Variants in TLL2 observed in about 807,000 individuals in gnomAD.
TLL2 encodes the protein tolloid like 2.
In TLL2, 106 loss-of-function variants were observed where a neutral mutation model predicts 123.0. That is an observed-to-expected ratio of 0.86 (90% confidence interval 0.74 to 1.01). The LOEUF is 1.01. Ranked by LOEUF, TLL2 falls within the 50% of genes least tolerant of loss-of-function variation. The pLI is 0.00. For missense variants in TLL2, 1,332 were observed against 1,336.7 expected, an observed-to-expected ratio of 1.00 and a Z score of 0.06; for synonymous variants, 494 against 516.8, an observed-to-expected ratio of 0.96 and a Z score of 0.60.
At chr10:96,510,963 T>A (rs1589440474) in intron 1 of TLL2, among the ~76,000 whole-genome samples, 1 of 152,204 alleles carries the variant, frequency 6.6e-6, no homozygotes, top group East Asian at 1.9e-4. Flanking sequence ...GGTAAGGAAC[T>A]GAGGCCCAGA....
intron 1 of TLL2, among the ~76,000 whole-genome samples, chr10:96,509,670 G>A (rs1589440141): frequency 1.3e-5 from 2 of 152,236 alleles, no homozygotes; most frequent in East Asian, 1.9e-4. Context: ...GGCCTTGGCC[G>A]GGCACGGTGG....
At chr10:96,510,401 C>T (rs1171435120) in intron 1 of TLL2, among the ~76,000 whole-genome samples, 2 of 152,178 alleles carry the variant, frequency 1.3e-5, no homozygotes, top group Admixed American at 1.3e-4. Context: ...TCCACTCCCC[C>T]GTCACTTGAT....
At chr10:96,503,591 T>TGGCCA (rs1275028652) in intron 1 of TLL2, among the ~76,000 whole-genome samples, 24 of 152,174 alleles carry the variant, frequency 1.6e-4, no homozygotes, top group African/African-American at 5.8e-4. Flanking sequence ...GCCATCGAAG[T>TGGCCA]CTTCTCCCTG....
At chr10:96,427,761 T>C (rs1176854050) in intron 5 of TLL2, among the ~76,000 whole-genome samples, 2 of 152,166 alleles carry the variant, frequency 1.3e-5, no homozygotes, top group Non-Finnish European at 2.9e-5. Context: ...ATAGACCATG[T>C]AGTTGGGTTT....
In TLL2 at chr10:96,386,898, C is replaced by T. The variant is rs1023564824; in HGVS notation, c.1852+55G>A. 12 of 1,598,790 alleles carry T rather than the reference C, an allele frequency of 7.5e-6. No homozygotes were observed. In the Admixed American group the frequency reaches 1.2e-4, roughly 16 times the overall value. On this transcript the variant is annotated intron_variant, in intron 14 of 20. Transcript: ENST00000357947. Reference sequence around the variant, plus strand: ...GTTGCCCCATCTCTGCCCCACTTCCCCAAAGACTTGTCCCATATACCCTCT... The same window carrying T: ...GTTGCCCCATCTCTGCCCCACTTCCTCAAAGACTTGTCCCATATACCCTCT...
chr10:96,425,259 T>TTC (rs5787184), intron 5 of TLL2, among the ~76,000 whole-genome samples: 3,071 of 144,250 alleles, frequency 0.021, 45 homozygotes, highest in Admixed American at 0.044. Context: ...CATTACTGTT[T>TTC]TCTCTCTCTC....
intron 2 of TLL2, among the ~76,000 whole-genome samples, chr10:96,449,993 T>G (rs1193317046): frequency 6.6e-6 from 1 of 152,184 alleles, no homozygotes; most frequent in Non-Finnish European, 1.5e-5. Context: ...ATCCATTTAC[T>G]CAGCTGAATC....
At chr10:96,506,720 C>A (rs999530274) in intron 1 of TLL2, among the ~76,000 whole-genome samples, 1 of 151,934 alleles carries the variant, frequency 6.6e-6, no homozygotes, top group Non-Finnish European at 1.5e-5. Context: ...CCTCTCCTCT[C>A]GCTGTGTGGG....
chr10:96,379,668 A>G (rs1846168858), intron 16 of TLL2, among the ~76,000 whole-genome samples: 1 of 152,098 alleles, frequency 6.6e-6, no homozygotes, highest in South Asian at 2.1e-4. Context: ...CTAAAAATAC[A>G]AAAATTAGCC....
intron 1 of TLL2, among the ~76,000 whole-genome samples, chr10:96,511,659 G>T (rs1374337793): frequency 6.6e-6 from 1 of 152,240 alleles, no homozygotes; most frequent in African/African-American, 2.4e-5. Flanking sequence ...ATCCTCCAAG[G>T]CTGAGACGGG....
chr10:96,418,711 ATG>A (rs1315936846), intron 7 of TLL2, among the ~76,000 whole-genome samples: 1 of 148,224 alleles, frequency 6.7e-6, no homozygotes, highest in Non-Finnish European at 1.5e-5. Flanking sequence ...ATGAATATAT[ATG>A]TATATATAAA....
chr10:96,384,753 G>C lies in TLL2; in HGVS notation c.2028C>G (p.Asp676Glu), dbSNP rs1286440939. 1.9e-6 allele frequency: 3 copies of C among 1,593,298 alleles called. No homozygotes were observed. Among genetic ancestry groups the C allele is most frequent in the Middle Eastern group, 1.7e-4 (1 of 5,996 alleles). Residue 676 changes from aspartate (D) to glutamate (E), a missense_variant, in exon 16 of 21, where the codon GAC (aspartate) becomes GAG (glutamate). Coordinates refer to ENST00000357947, the MANE Select transcript of TLL2 (RefSeq NM_012465.4). Reference sequence around the variant, plus strand: ...ACAGGCCGCTGCGCACCTCTACAAAGTCGTACTTACAGACCTGCAAGGGAG... The same window carrying C: ...ACAGGCCGCTGCGCACCTCTACAAACTCGTACTTACAGACCTGCAAGGGAG... ...ELEGNDVCKY[D>E]FVEVRSGLSP...
At chr10:96,381,675 C>T (rs375200708) in intron 16 of TLL2, among the ~76,000 whole-genome samples, 1 of 152,174 alleles carries the variant, frequency 6.6e-6, no homozygotes, top group Non-Finnish European at 1.5e-5. Context: ...CCAGCCCACC[C>T]CACAGTGCTC....
chr10:96,419,454 G>A (rs1164006608), intron 7 of TLL2, among the ~76,000 whole-genome samples: 2 of 151,490 alleles, frequency 1.3e-5, no homozygotes, highest in Non-Finnish European at 2.9e-5. Flanking sequence ...ACTAGAACCC[G>A]GCTTCTGCCT....
chr10:96,458,561 T>TCC (rs1847039757), intron 2 of TLL2, among the ~76,000 whole-genome samples: 1 of 119,712 alleles, frequency 8.4e-6, no homozygotes, highest in Non-Finnish European at 1.6e-5. Context: ...CACTCCAGCC[T>TCC]GGGGGACAAG....
Position 96,422,581 on chromosome 10 carries a change from T to C in TLL2, c.785A>G (p.His262Arg). 8 of 1,614,216 alleles carry C rather than the reference T, an allele frequency of 5.0e-6. No homozygotes were observed. Among genetic ancestry groups the C allele is most frequent in the Non-Finnish European group, 6.8e-6 (8 of 1,180,040 alleles). ...GATGTTTTCCCTGATGATGGTGACA[T>C]GTTGGTCTCTGTCTGGCCGGGTGTG... ...HEHTRPDRDQHVTIIRENIQP... is the reference protein window; with the variant it reads ...HEHTRPDRDQRVTIIRENIQP... Residue 262 changes from histidine to arginine, a missense_variant, in exon 6 of 21, where the codon CAT becomes CGT. Coordinates refer to ENST00000357947, the MANE Select transcript of TLL2 (RefSeq NM_012465.4).
intron 2 of TLL2, among the ~76,000 whole-genome samples, chr10:96,471,739 G>A (rs1303124599): frequency 6.6e-6 from 1 of 152,070 alleles, no homozygotes; most frequent in Non-Finnish European, 1.5e-5. Context: ...GCTGGGCTCC[G>A]ACACCCACGT....
rs200012606 is a variant in TLL2 at position 96,405,212 on chromosome 10, G to C, written c.1267+20C>G. ...AACATCCCATCACTCCTCTCTTAACGGTGTCTAAAGTCAACTTACCCAAAA... is the reference window on the plus strand; with the variant it reads ...AACATCCCATCACTCCTCTCTTAACCGTGTCTAAAGTCAACTTACCCAAAA... On this transcript the variant is annotated intron_variant, in intron 10 of 20. Coordinates refer to ENST00000357947, the MANE Select transcript of TLL2 (RefSeq NM_012465.4). The C allele has an allele frequency of 3.1e-6, 5 of 1,604,928 alleles. No homozygotes were observed. Among genetic ancestry groups the C allele is most frequent in the Non-Finnish European group, 4.3e-6 (5 of 1,171,724 alleles).
chr10:96,447,460 G>A (rs1417440830), intron 2 of TLL2, among the ~76,000 whole-genome samples: 1 of 152,180 alleles, frequency 6.6e-6, no homozygotes, highest in Non-Finnish European at 1.5e-5. Flanking sequence ...TGGTGGTGTG[G>A]ACCAGACACT....
Sources: allele counts gnomAD v4.1 joint callset (sites outside exome capture counted in the v4.1 genomes callset), GRCh38; gene constraint gnomAD v4.1.1; transcripts MANE v1.5; gene names NCBI Gene and HGNC (gene_info 2026-07-23, HGNC 2026-07-21).